UPP2: variants seen among roughly 807,000 people sequenced by gnomAD.
The protein encoded by UPP2 is UPase 2.
UPP2 carries 23 observed loss-of-function variants against 26.7 expected under a neutral mutation model. The observed-to-expected ratio is 0.86, with a 90% confidence interval of 0.62 to 1.22. The LOEUF (loss-of-function observed/expected upper bound fraction) is 1.22, where lower values mean the gene tolerates loss of function less well. UPP2 is among the 50% of genes most tolerant of loss of function. The probability of loss-of-function intolerance (pLI) is 0.00; values close to 1 mark genes in which losing one functional copy is unlikely to be tolerated. For synonymous variants in UPP2, 127 were observed against 141.3 expected (o/e 0.90, Z 0.72); for missense variants, 387 against 396.7 (o/e 0.98, Z 0.21).
upstream of UPP2, among the ~76,000 whole-genome samples, chr2:158,098,499 T>C (rs1253032167): frequency 2.6e-5 from 4 of 152,016 alleles, no homozygotes; most frequent in Admixed American, 2.0e-4. Context: ...CAAGGACCCA[T>C]AGACTACACC....
intron 6 of UPP2, among the ~76,000 whole-genome samples, chr2:158,124,409 G>A (rs1263750663): frequency 6.6e-6 from 1 of 152,106 alleles, no homozygotes; most frequent in African/African-American, 2.4e-5. Context: ...AGGCAGTGGT[G>A]GAGAATGGGA....
At chr2:158,054,005 T>C (rs1682203111) in intron 3 of UPP2, among the ~76,000 whole-genome samples, 1 of 152,204 alleles carries the variant, frequency 6.6e-6, no homozygotes, top group African/African-American at 2.4e-5. Context: ...TGAATAAAAG[T>C]CTGCATTTTT....
intron 3 of UPP2, among the ~76,000 whole-genome samples, chr2:158,040,025 G>A (rs1684062937): frequency 6.6e-6 from 1 of 152,170 alleles, no homozygotes; most frequent in Admixed American, 6.5e-5. Context: ...TGTCCAAAAG[G>A]AAGCCTCCAG....
chr2:158,009,827 A>G (rs1437848921), intron 2 of UPP2, among the ~76,000 whole-genome samples: 1 of 152,224 alleles, frequency 6.6e-6, no homozygotes, highest in Non-Finnish European at 1.5e-5. Flanking sequence ...TTGCCCCAGC[A>G]AATGCTGTAG....
intron 6 of UPP2, among the ~76,000 whole-genome samples, chr2:158,127,473 G>A (rs1319833310): frequency 1.3e-5 from 2 of 150,272 alleles, no homozygotes; most frequent in Non-Finnish European, 3.0e-5. Flanking sequence ...AAAAAAAAAA[G>A]GGCCACTAGA....
chr2:158,035,444 G>A (rs558194777), intron 3 of UPP2, among the ~76,000 whole-genome samples: 4 of 152,242 alleles, frequency 2.6e-5, no homozygotes, highest in East Asian at 1.9e-4. Flanking sequence ...ATGAGCCACC[G>A]CGCCCGGCCA....
chr2:158,116,523 A>T (rs1683435030), intron 3 of UPP2, among the ~76,000 whole-genome samples: 1 of 152,188 alleles, frequency 6.6e-6, no homozygotes, highest in South Asian at 2.1e-4. Flanking sequence ...GGGCCTTACT[A>T]GGCAGGCAGG....
intron 2 of UPP2, among the ~76,000 whole-genome samples, chr2:158,007,950 C>T (rs954824477): frequency 3.3e-5 from 5 of 152,268 alleles, no homozygotes; most frequent in African/African-American, 4.8e-5. Flanking sequence ...TTTTCATTAA[C>T]CAGATGCTTC....
chr2:158,089,020 G>T (rs75431657), intron 3 of UPP2, among the ~76,000 whole-genome samples: 2,440 of 152,270 alleles, frequency 0.016, 72 homozygotes, highest in African/African-American at 0.055. Flanking sequence ...GGGAGGATCA[G>T]GGAGTGGGCA....
At chr2:158,004,636 A>G (rs531357606) in intron 2 of UPP2, among the ~76,000 whole-genome samples, 3 of 152,242 alleles carry the variant, frequency 2.0e-5, no homozygotes, top group African/African-American at 7.2e-5. Context: ...TAGTCGGGGG[A>G]GATGGATAAG....
intron 2 of UPP2, among the ~76,000 whole-genome samples, chr2:158,108,941 T>C (rs1387367215): frequency 6.7e-6 from 1 of 149,466 alleles, no homozygotes; most frequent in Non-Finnish European, 1.5e-5. Context: ...TGTTTGTAAA[T>C]TGAGGAGCAG....
At chr2:158,020,018 C>G (rs921005133) in intron 3 of UPP2, among the ~76,000 whole-genome samples, 1 of 152,146 alleles carries the variant, frequency 6.6e-6, no homozygotes, top group African/African-American at 2.4e-5. Context: ...CTCTTTATAC[C>G]TAGCATAAAG....
At chr2:158,059,895 C>T (rs1464267287) in intron 3 of UPP2, among the ~76,000 whole-genome samples, 2 of 152,172 alleles carry the variant, frequency 1.3e-5, no homozygotes, top group African/African-American at 2.4e-5. Flanking sequence ...GTCTTCACCA[C>T]TCATCAAAAT....
At chr2:158,085,019 T>C (rs1682791173) in intron 3 of UPP2, among the ~76,000 whole-genome samples, 1 of 152,142 alleles carries the variant, frequency 6.6e-6, no homozygotes, top group Non-Finnish European at 1.5e-5. Context: ...TTTTTTCTAG[T>C]TCTGTGAAGA....
chr2:158,014,105 A>C (rs1346591673), intron 2 of UPP2, among the ~76,000 whole-genome samples: 1 of 152,194 alleles, frequency 6.6e-6, no homozygotes, highest in Non-Finnish European at 1.5e-5. Context: ...TGTGCTGTAC[A>C]TTTGGCTGCA....
chr2:158,121,892 T>C (rs1185517166), intron 5 of UPP2, among the ~76,000 whole-genome samples: 2 of 152,006 alleles, frequency 1.3e-5, no homozygotes, highest in Non-Finnish European at 1.5e-5. Flanking sequence ...TTATCTCTGT[T>C]TATGCCTTTA....
At chr2:158,047,438 T>C (rs1684172350) in intron 3 of UPP2, among the ~76,000 whole-genome samples, 1 of 152,190 alleles carries the variant, frequency 6.6e-6, no homozygotes. Flanking sequence ...TTTCCCAGTT[T>C]ATGTGTCAGT....
chr2:157,999,874 G>A (rs769380034), intron 2 of UPP2, among the ~76,000 whole-genome samples: 1 of 152,134 alleles, frequency 6.6e-6, no homozygotes, highest in Non-Finnish European at 1.5e-5. Flanking sequence ...GAGTGTGAGA[G>A]AGAATAAGAG....
intron 3 of UPP2, among the ~76,000 whole-genome samples, chr2:158,018,667 CA>C (rs1683698412): frequency 6.6e-6 from 1 of 152,162 alleles, no homozygotes; most frequent in Non-Finnish European, 1.5e-5. Flanking sequence ...TACTTTAGGC[CA>C]TGTTAGGTGA....
Sources: gnomAD v4.1 joint callset for allele counts (sites outside exome capture counted in the v4.1 genomes callset) on GRCh38, gnomAD v4.1.1 for gene constraint, MANE v1.5 for transcripts, NCBI Gene and HGNC (gene_info 2026-07-23, HGNC 2026-07-21) for gene names.